The following VBP1 variants were observed in gnomAD, a reference collection of about 807,000 sequenced individuals.
VBP1 encodes the protein VHL binding protein 1.
In VBP1, 4 loss-of-function variants were observed where a neutral mutation model predicts 15.5. The ratio of observed to expected loss-of-function variants is 0.26; its 90% confidence interval spans 0.13 to 0.59. VBP1 has a LOEUF of 0.59. Among genes scored for constraint, VBP1 ranks in the 20% least tolerant of loss-of-function variants. VBP1 has a pLI of 0.90. For missense variants in VBP1, 108 were observed against 139.6 expected (o/e 0.77, Z 1.14); for synonymous variants, 61 against 52.1 (o/e 1.17, Z -0.74).
At chrX:155,209,120 A>G (rs184610522) in intron 2 of VBP1, 3 of 554,245 alleles carry the variant, frequency 5.4e-6, no homozygotes, top group East Asian at 3.7e-5. Flanking sequence ...GCATAGTTCT[A>G]ACATTTTCAT....
chrX:155,231,967 A>G (rs1363213473), intron 4 of VBP1, among the ~76,000 whole-genome samples: 1 of 112,043 alleles, frequency 8.9e-6, no homozygotes, highest in East Asian at 2.8e-4. Flanking sequence ...TGTTGTGTCT[A>G]AGAGTATGCA....
intron 1 of VBP1, among the ~76,000 whole-genome samples, chrX:155,199,205 C>T (rs1557307065): frequency 1.8e-5 from 2 of 111,136 alleles, no homozygotes; most frequent in Non-Finnish European, 3.8e-5. Flanking sequence ...TCCAGGAGAA[C>T]TTCCCCAATC....
At chrX:155,198,273 G>A (rs782373882) in intron 1 of VBP1, among the ~76,000 whole-genome samples, 1 of 112,280 alleles carries the variant, frequency 8.9e-6, no homozygotes, top group African/African-American at 3.2e-5. Flanking sequence ...CTCCCAGCAC[G>A]CAACTGGAGA....
intron 3 of VBP1, among the ~76,000 whole-genome samples, chrX:155,227,870 A>G (rs1442452013): frequency 8.9e-6 from 1 of 112,594 alleles, no homozygotes; most frequent in African/African-American, 3.2e-5. Flanking sequence ...TCATAAGCAT[A>G]TTGTATTTAA....
intron 4 of VBP1, among the ~76,000 whole-genome samples, chrX:155,230,446 T>G (rs1557310716): frequency 9.0e-6 from 1 of 111,525 alleles, no homozygotes. Flanking sequence ...GTATCTTTTT[T>G]GGGGACACTG....
At chrX:155,209,895 C>T (rs1295054200) in intron 2 of VBP1, among the ~76,000 whole-genome samples, 1 of 111,487 alleles carries the variant, frequency 9.0e-6, no homozygotes, top group African/African-American at 3.3e-5. Flanking sequence ...CTCATTCAGA[C>T]GCAGTCCAAG....
intron 4 of VBP1, among the ~76,000 whole-genome samples, chrX:155,231,333 A>G (rs2074745616): frequency 8.9e-6 from 1 of 111,762 alleles, no homozygotes. Context: ...TGTGTTCTTC[A>G]CACTCAATCC....
At chrX:155,204,774 GT>G (rs1482295389) in intron 1 of VBP1, among the ~76,000 whole-genome samples, 1 of 112,139 alleles carries the variant, frequency 8.9e-6, no homozygotes, top group Non-Finnish European at 1.9e-5. Flanking sequence ...TATTAATATG[GT>G]TTAGTTTAGG....
At chrX:155,230,311 C>A (rs782078495) in intron 4 of VBP1, among the ~76,000 whole-genome samples, 2 of 111,956 alleles carry the variant, frequency 1.8e-5, no homozygotes, top group East Asian at 5.6e-4. Flanking sequence ...CAAATAAAGT[C>A]ACATTCTGAG....
At chrX:155,216,815 G>C (rs1470303834) in intron 1 of VBP1, among the ~76,000 whole-genome samples, 2 of 112,134 alleles carry the variant, frequency 1.8e-5, no homozygotes, top group African/African-American at 6.5e-5. Flanking sequence ...GGGACGAGGG[G>C]CGAGGGGCGA....
At chrX:155,237,504 C>T (rs1224870229) in intron 5 of VBP1, among the ~76,000 whole-genome samples, 6 of 111,450 alleles carry the variant, frequency 5.4e-5, no homozygotes, top group Non-Finnish European at 9.4e-5. Flanking sequence ...TTGTTACTTA[C>T]AAGATATACA....
rs1557311547 is a variant in VBP1, at chrX:155,236,226, C to T, written c.385-3C>T. The T allele has an allele frequency of 8.3e-7, 1 of 1,206,796 alleles. No homozygotes were observed. Among genetic ancestry groups the T allele is most frequent in the Admixed American group, 2.2e-5 (1 of 45,519 alleles). Reference sequence around the variant, plus strand: ...AGTAATTGTCATGACTTTCTCTCTTCAGGCTAATGTAATGCTTGAATATGA... The same window carrying T: ...AGTAATTGTCATGACTTTCTCTCTTTAGGCTAATGTAATGCTTGAATATGA... On this transcript the variant is annotated splice_polypyrimidine_tract_variant and splice_region_variant and intron_variant, in intron 4 of 5. Transcript: ENST00000286428.
At chrX:155,223,800 G>A (rs1448006896) in intron 2 of VBP1, among the ~76,000 whole-genome samples, 2 of 106,267 alleles carry the variant, frequency 1.9e-5, no homozygotes, top group Non-Finnish European at 3.9e-5. Flanking sequence ...CCCACCTCCC[G>A]GACGGGGCGG....
intron 2 of VBP1, among the ~76,000 whole-genome samples, chrX:155,223,209 T>A (rs1557309785): frequency 9.3e-6 from 1 of 107,986 alleles, no homozygotes; most frequent in Non-Finnish European, 1.9e-5. Flanking sequence ...TTTTTTTAAT[T>A]TTTTTAGTAT....
chrX:155,210,445 C>T (rs782707881), intron 2 of VBP1, among the ~76,000 whole-genome samples: 2 of 111,659 alleles, frequency 1.8e-5, no homozygotes, highest in Non-Finnish European at 3.8e-5. Flanking sequence ...CAGAGAGAGA[C>T]CCTGTCTCTA....
At chrX:155,216,361 C>T (rs782625688), upstream of VBP1, 38 of 1,114,612 alleles carry the variant, frequency 3.4e-5, no homozygotes, top group South Asian at 7.2e-4. Context: ...GTGGGGGACG[C>T]TCCCTGCGCA....
chrX:155,226,890 C>T lies in VBP1; in HGVS notation c.219-345C>T, dbSNP rs1393336248. On this transcript the variant is annotated intron_variant, in intron 2 of 5. Coordinates refer to ENST00000286428, the MANE Select transcript of VBP1 (RefSeq NM_003372.7). ...AGTCTGCTCTAGAAATGTTAAATAGCCATGGGGTATTTGACATAATAGAAC... is the reference window on the plus strand; with the variant it reads ...AGTCTGCTCTAGAAATGTTAAATAGTCATGGGGTATTTGACATAATAGAAC... 3.6e-5 allele frequency among the ~76,000 whole-genome samples: 4 copies of T among 111,363 alleles called. No individual in the cohort carries two copies. In the East Asian group the frequency reaches 1.1e-3, roughly 31 times the overall value.
At chrX:155,220,070 C>A in intron 1 of VBP1, 113 bp from the exon 2 acceptor site, 1 of 733,138 alleles carries the variant, frequency 1.4e-6, no homozygotes, top group Non-Finnish European at 1.9e-6. Flanking sequence ...TAAAAACAAA[C>A]CTTTGGAGAA....
intron 4 of VBP1, among the ~76,000 whole-genome samples, chrX:155,230,244 A>G (rs1277357041): frequency 9.0e-6 from 1 of 111,480 alleles, no homozygotes; most frequent in Non-Finnish European, 1.9e-5. Context: ...CTCCGCCTTC[A>G]TCTTCACATG....
Sources: allele counts gnomAD v4.1 joint callset (sites outside exome capture counted in the v4.1 genomes callset), GRCh38; gene constraint gnomAD v4.1.1; transcripts MANE v1.5; gene names NCBI Gene and HGNC (gene_info 2026-07-23, HGNC 2026-07-21).